Variants in ZER1 observed in about 807,000 individuals in gnomAD.
ZER1 encodes the protein protein zer-1 homolog.
In ZER1, 11 loss-of-function variants were observed where a neutral mutation model predicts 78.8. That is an observed-to-expected ratio of 0.14 (90% CI 0.09 to 0.23). The LOEUF (loss-of-function observed/expected upper bound fraction) is 0.23, where lower values mean the gene tolerates loss of function less well. Among genes scored for constraint, ZER1 ranks in the 10% least tolerant of loss-of-function variants. The pLI, the probability that ZER1 is intolerant of heterozygous loss-of-function variation, is 1.00. For missense variants in ZER1, 588 were observed against 996.9 expected (o/e 0.59, Z 5.52); for synonymous variants, 400 against 407.0 (o/e 0.98, Z 0.21).
At chr9:128,769,781 C>T (rs574734132) in intron 1 of ZER1, among the ~76,000 whole-genome samples, 8 of 152,234 alleles carry the variant, frequency 5.3e-5, no homozygotes, top group East Asian at 3.9e-4. Context: ...CAGGAAGCAG[C>T]GGCATAACTT....
rs1301723234 is a variant in ZER1, at chr9:128,755,515, G to A, written c.51C>T (p.Cys17=). The change falls in exon 2 of 16, where the codon TGC becomes TGT. Residue 17 remains cysteine, a synonymous_variant. Coordinates refer to ENST00000291900, the MANE Select transcript of ZER1 (RefSeq NM_006336.4). The surrounding 1 kb of genome is among the most constrained non-coding windows in gnomAD (Gnocchi z 5.6). ...CCAGGGTGCCATCCAGGTTGCGCAA[G>A]CAGAAGTCAGTACAGAGGGCCATCA... ...ESLMALCTDF[C]LRNLDGTLGY... The A allele has an allele frequency of 6.2e-7, 1 of 1,614,040 alleles. No homozygotes were observed. The highest frequency in any genetic ancestry group is 8.5e-7 in the Non-Finnish European group (1 of 1,180,014).
chr9:128,740,707 C>T lies in ZER1; in HGVS notation c.1853+65G>A. 1.3e-6 allele frequency: 1 copy of T among 747,618 alleles called. No individual in the cohort carries two copies. Among genetic ancestry groups the T allele is most frequent in the Admixed American group, 1.9e-5 (1 of 53,054 alleles). The allele number at this position is 747,618 out of a possible 1,614,324, so 46.3% of individuals were successfully genotyped here. A position where few individuals can be genotyped will look rare whatever the true frequency, so the allele number is the denominator to read the frequency against. Reference sequence around the variant, plus strand: ...GGCTAAGAGCAGTTGTGCAACTGAGCAAACGCTAGAGCTCTGAGCATTGTG... The same window carrying T: ...GGCTAAGAGCAGTTGTGCAACTGAGTAAACGCTAGAGCTCTGAGCATTGTG... On this transcript the variant is annotated intron_variant, in intron 12 of 15. Coordinates refer to ENST00000291900, the MANE Select transcript of ZER1 (RefSeq NM_006336.4). This position sits in a 1 kb window ranked among gnomAD's most constrained non-coding sequence, Gnocchi z 4.4.
In ZER1 at chr9:128,740,260, T is replaced by C. The variant is rs989485518; in HGVS notation, c.1854-141A>G. 1 of 845,496 alleles carries C rather than the reference T, an allele frequency of 1.2e-6. No homozygotes were observed. The highest frequency in any genetic ancestry group is 1.7e-5 in the African/African-American group (1 of 58,170). 52.4% of individuals were successfully genotyped at this position (845,496 alleles called of 1,614,324 possible). A position where few individuals can be genotyped will look rare whatever the true frequency, so the allele number is the denominator to read the frequency against. ...CATATCGTCTATATACCCAGACTAC[T>C]TCTAAAGGGATTTGAGGTCATTTAA... On this transcript the variant is annotated intron_variant, in intron 12 of 15. Transcript: ENST00000291900. This position sits in a 1 kb window ranked among gnomAD's most constrained non-coding sequence, Gnocchi z 4.4.
chr9:128,765,410 G>A (rs1435710303), intron 1 of ZER1, among the ~76,000 whole-genome samples: 1 of 152,196 alleles, frequency 6.6e-6, no homozygotes, highest in Admixed American at 6.5e-5. Flanking sequence ...AGATACTGAC[G>A]CATACACAAC....
At chr9:128,735,277 G>A (rs1173186229) in intron 14 of ZER1, 57 bp downstream of exon 14, 1 of 1,505,284 alleles carries the variant, frequency 6.6e-7, no homozygotes, top group Non-Finnish European at 9.1e-7. Context: ...AACTCCCTGA[G>A]GGCACATCTG....
Position 128,755,506 on chromosome 9 carries a change from G to A in ZER1, c.60C>T (p.Asn20=). ...GCAGGTAGCCCAGGGTGCCATCCAG[G>A]TTGCGCAAGCAGAAGTCAGTACAGA... ...MALCTDFCLR[N]LDGTLGYLLD... Residue 20 remains asparagine, a synonymous_variant, in exon 2 of 16, where the codon AAC becomes AAT. Coordinates refer to ENST00000291900, the MANE Select transcript of ZER1 (RefSeq NM_006336.4). The surrounding 1 kb of genome is among the most constrained non-coding windows in gnomAD (Gnocchi z 5.6). 3 of 1,613,988 alleles carry A rather than the reference G, an allele frequency of 1.9e-6. No individual in the cohort carries two copies. The highest frequency in any genetic ancestry group is 2.5e-6 in the Non-Finnish European group (3 of 1,180,012).
In ZER1 at chr9:128,731,407, G is replaced by C. The variant is rs1862813882; in HGVS notation, c.2244-13C>G. 1.2e-6 allele frequency: 2 copies of C among 1,610,432 alleles called. No individual in the cohort carries two copies. Among genetic ancestry groups the C allele is most frequent in the African/African-American group, 1.3e-5 (1 of 74,848 alleles). On this transcript the variant is annotated splice_polypyrimidine_tract_variant and intron_variant, in intron 15 of 15. Transcript: ENST00000291900. Reference sequence around the variant, plus strand: ...CTCAATCACCTTGCTGGAGACAATGGGGGAGACAGGATTGGAGGGTGGGCT... The same window carrying C: ...CTCAATCACCTTGCTGGAGACAATGCGGGAGACAGGATTGGAGGGTGGGCT...
intron 1 of ZER1, among the ~76,000 whole-genome samples, chr9:128,766,347 C>CAAAA (rs1190668112): frequency 3.7e-5 from 2 of 53,430 alleles, no homozygotes; most frequent in African/African-American, 5.7e-5. Context: ...GATTCCATCT[C>CAAAA]AAAAAAAAAA....
At chr9:128,738,979 G>A (rs1863192586) in intron 13 of ZER1, among the ~76,000 whole-genome samples, 1 of 150,912 alleles carries the variant, frequency 6.6e-6, no homozygotes, top group Non-Finnish European at 1.5e-5. Flanking sequence ...AGCCTCCTGA[G>A]TAGCTGGGAT....
chr9:128,741,501 T>C (rs1213254723), intron 11 of ZER1, 34 bp downstream of exon 11: 2 of 1,613,842 alleles, frequency 1.2e-6, no homozygotes, highest in Non-Finnish European at 1.7e-6. Flanking sequence ...TGTGGGCAGC[T>C]GAGGCAGCTG....
intron 8 of ZER1, among the ~76,000 whole-genome samples, chr9:128,747,713 A>G (rs746962645): frequency 5.9e-5 from 9 of 152,244 alleles, no homozygotes; most frequent in Non-Finnish European, 1.2e-4. Flanking sequence ...TCCCGAGTTT[A>G]AGCAATTCTC....
intron 1 of ZER1, among the ~76,000 whole-genome samples, chr9:128,764,984 C>T (rs1239787192): frequency 2.0e-5 from 3 of 152,124 alleles, no homozygotes; most frequent in African/African-American, 7.2e-5. Context: ...CAGAAGGCAC[C>T]GCCATACCAC....
At chr9:128,744,787 CT>C (rs1316401665) in intron 8 of ZER1, among the ~76,000 whole-genome samples, 2 of 152,132 alleles carry the variant, frequency 1.3e-5, no homozygotes, top group East Asian at 3.8e-4. Context: ...CTGGCCCCCG[CT>C]TTTTATAGAG....
intron 13 of ZER1, among the ~76,000 whole-genome samples, chr9:128,735,764 T>TG (rs1863051527): frequency 6.8e-5 from 5 of 73,342 alleles, no homozygotes; most frequent in African/African-American, 1.3e-4. Flanking sequence ...TGACCTGGTT[T>TG]TTTTTTTTTT....
In ZER1 at chr9:128,735,774, T is replaced by G. The variant is rs1254571659; in HGVS notation, c.2043-343A>C. ...ACGTGTGACCTGGTTTTTTTTTTTT[T>G]TTTTTTTTTTTTTTTTTTTGTGAGA... On this transcript the variant is annotated intron_variant, in intron 13 of 15. Transcript: ENST00000291900. Among the ~76,000 whole-genome samples, 178 of 132,328 alleles carry G rather than the reference T, an allele frequency of 1.3e-3. 9 individuals are homozygous for G. Among genetic ancestry groups the G allele is most frequent in the Admixed American group, 3.0e-3 (40 of 13,192 alleles). The allele number at this position is 132,328 out of a possible 152,430, so 86.8% of individuals were successfully genotyped here.
At chr9:128,768,229 G>T (rs1486317236) in intron 1 of ZER1, among the ~76,000 whole-genome samples, 3 of 152,134 alleles carry the variant, frequency 2.0e-5, no homozygotes. Context: ...CACCTCTCAG[G>T]ACTCCAGAAC....
At position 128,753,458 on chromosome 9, in the gene ZER1, C is replaced by A. The variant is rs1863752841; in HGVS notation, c.452G>T (p.Gly151Val). 2.5e-6 allele frequency: 4 copies of A among 1,614,038 alleles called. No individual in the cohort carries two copies. Among genetic ancestry groups the A allele is most frequent in the Middle Eastern group, 1.6e-4 (1 of 6,084 alleles). ...GTTGACGAGGTACTCATCTTCACAG[C>A]CCCCTGGGTTCTCCTCCTCATAGAA... The part of the protein sequence containing the change: ...NIFYEEENPG[G>V]CEDEYLVNPT... The change falls in exon 4 of 16, where the codon GGC (glycine) becomes GTC (valine). Residue 151 changes from glycine to valine, a missense_variant. Gly to Val is a moderately radical substitution (Grantham distance 109). Around this residue, in one of 3 missense-constraint regions of ZER1, gnomAD observed 406 missense variants for 660.1 expected, o/e 0.62. Transcript: ENST00000291900. The surrounding 1 kb of genome is among the most constrained non-coding windows in gnomAD (Gnocchi z 7.5).
At chr9:128,744,970 G>C (rs1197097440) in intron 8 of ZER1, among the ~76,000 whole-genome samples, 3 of 152,058 alleles carry the variant, frequency 2.0e-5, no homozygotes, top group Non-Finnish European at 2.9e-5. Context: ...TATTATACCT[G>C]CATCCTGGTG....
chr9:128,761,533 C>G (rs890241025), intron 1 of ZER1, among the ~76,000 whole-genome samples: 1 of 1,468 alleles, frequency 6.8e-4, no homozygotes, highest in African/African-American at 8.5e-4. Flanking sequence ...GTGATCCACC[C>G]GCCTCGCCTC....
Sources: allele counts gnomAD v4.1 joint callset (sites outside exome capture counted in the v4.1 genomes callset), GRCh38; gene constraint gnomAD v4.1.1; regional missense constraint gnomAD v4.1.1; non-coding constraint Gnocchi (gnomAD v3.1); transcripts MANE v1.5; gene names NCBI Gene and HGNC (gene_info 2026-07-23, HGNC 2026-07-21).